Variants in ADAMTS9 observed in about 807,000 individuals in gnomAD.
The protein encoded by ADAMTS9 is A disintegrin and metalloproteinase with thrombospondin motifs 9.
A neutral mutation model predicts 257.1 loss-of-function variants in ADAMTS9; 107 were observed. The ratio of observed to expected loss-of-function variants is 0.42; its 90% CI spans 0.36 to 0.49. ADAMTS9 has a LOEUF of 0.49. Among genes scored for constraint, ADAMTS9 ranks in the 20% least tolerant of loss-of-function variants. The probability of loss-of-function intolerance (pLI) is 0.03; values close to 1 mark genes in which losing one functional copy is unlikely to be tolerated. For synonymous variants in ADAMTS9, 982 were observed against 880.9 expected (o/e 1.11, Z -2.03); for missense variants, 2,353 against 2,469.1 (o/e 0.95, Z 1.00).
chr3:64,559,413 A>G (rs558352427), intron 30 of ADAMTS9, among the ~76,000 whole-genome samples: 11 of 152,112 alleles, frequency 7.2e-5, no homozygotes, highest in African/African-American at 2.6e-4. Context: ...CACTTTCACC[A>G]CCCCAGTATT....
rs145651340 is a variant in ADAMTS9 at position 64,612,978 on chromosome 3, C to A, written c.3354+367G>T. On this transcript the variant is annotated intron_variant, in intron 22 of 39. Transcript: ENST00000498707. The stretch of plus-strand genomic sequence containing the variant: ...TTTTCCAAATCTCATTCCAGACCTT[C>A]CTGCCAGAGACTCTGGTGCTGGATC... 4.1e-3 allele frequency among the ~76,000 whole-genome samples: 621 copies of A among 152,276 alleles called. 6 individuals carry two copies. Among genetic ancestry groups the A allele is most frequent in the African/African-American group, 0.014 (564 of 41,564 alleles).
chr3:64,540,324 T>C (rs1239630093), intron 36 of ADAMTS9, among the ~76,000 whole-genome samples: 2 of 152,212 alleles, frequency 1.3e-5, no homozygotes, highest in Non-Finnish European at 2.9e-5. Context: ...GAAAAATTAA[T>C]TATTCATTAT....
intron 22 of ADAMTS9, among the ~76,000 whole-genome samples, chr3:64,608,358 G>A (rs1221561658): frequency 6.8e-6 from 1 of 147,722 alleles, no homozygotes; most frequent in Non-Finnish European, 1.5e-5. Flanking sequence ...AAAATCAACA[G>A]AACCAGAAAT....
At chr3:64,577,309 C>T (rs1180264408) in intron 28 of ADAMTS9, among the ~76,000 whole-genome samples, 1 of 152,144 alleles carries the variant, frequency 6.6e-6, no homozygotes, top group East Asian at 1.9e-4. Flanking sequence ...ATTCCTTATT[C>T]CCAAACACAT....
chr3:64,526,155 A>G (rs965817919), intron 38 of ADAMTS9, among the ~76,000 whole-genome samples: 2 of 135,900 alleles, frequency 1.5e-5, no homozygotes, highest in Admixed American at 1.4e-4. Context: ...GTATATTTCA[A>G]AATAGCTAGA....
intron 38 of ADAMTS9, among the ~76,000 whole-genome samples, chr3:64,524,964 C>T (rs1049402188): frequency 6.6e-6 from 1 of 152,166 alleles, no homozygotes; most frequent in Admixed American, 6.5e-5. Flanking sequence ...TCAATTTTGG[C>T]CTGGTAAATT....
At chr3:64,620,777 C>T (rs1700084574) in intron 19 of ADAMTS9, among the ~76,000 whole-genome samples, 1 of 152,106 alleles carries the variant, frequency 6.6e-6, no homozygotes, top group Admixed American at 6.5e-5. Context: ...AGGTTCTCCC[C>T]CTTTTCTTTT....
rs369077350 is a variant in ADAMTS9, at chr3:64,547,324, T to C, written c.4870-372A>G. 2.3e-4 allele frequency among the ~76,000 whole-genome samples: 31 copies of C among 137,730 alleles called. No homozygotes were observed. In the East Asian group the frequency reaches 6.0e-3, roughly 26 times the overall value. 90.4% of individuals were successfully genotyped at this position (137,730 alleles called of 152,430 possible). A position where few individuals can be genotyped will look rare whatever the true frequency, so the allele number is the denominator to read the frequency against. ...AAACTGCTCTTTTCTAAAGCTATGA[T>C]GACCACCAAATTGGGAAGGGAAGAG... On this transcript the variant is annotated intron_variant, in intron 31 of 39. Transcript: ENST00000498707.
intron 26 of ADAMTS9, among the ~76,000 whole-genome samples, chr3:64,600,636 T>C (rs1418914515): frequency 6.6e-6 from 1 of 152,220 alleles, no homozygotes; most frequent in Non-Finnish European, 1.5e-5. Context: ...ATTACTTCCT[T>C]GGATCACCTT....
In ADAMTS9 at chr3:64,658,521, A is replaced by C; in HGVS notation, c.950T>G (p.Ile317Ser). 4.3e-6 allele frequency: 7 copies of C among 1,612,274 alleles called. No homozygotes were observed. The highest frequency in any genetic ancestry group is 5.9e-6 in the Non-Finnish European group (7 of 1,179,446). The part of the protein sequence containing the change: ...SYHGENLQHY[I>S]LTLMSIVASI... Reference sequence around the variant, plus strand: ...ACTTACAATTGACATTAAAGTTAAAATATAGTGTTGAAGGTTTTCTCCATG... The same window carrying C: ...ACTTACAATTGACATTAAAGTTAAACTATAGTGTTGAAGGTTTTCTCCATG... The change falls in exon 4 of 40, where the codon ATT (isoleucine) becomes AGT (serine). Residue 317 changes from isoleucine to serine, a missense_variant. Physicochemically the swap from Ile to Ser is moderately radical, Grantham distance 142. Transcript: ENST00000498707.
At chr3:64,638,803 CTT>C in intron 12 of ADAMTS9, among the ~76,000 whole-genome samples, 1 of 152,032 alleles carries the variant, frequency 6.6e-6, no homozygotes, top group African/African-American at 2.4e-5. Flanking sequence ...GAAAAAAACT[CTT>C]AAGAATATAC....
chr3:64,647,838 G>T, intron 11 of ADAMTS9, 102 bp downstream of exon 11: 2 of 969,962 alleles, frequency 2.1e-6, no homozygotes, highest in South Asian at 1.9e-5. Context: ...AGCTAAAACA[G>T]ACTGCATTGT....
At chr3:64,606,430 C>T (rs993551899) in intron 23 of ADAMTS9, among the ~76,000 whole-genome samples, 9 of 152,166 alleles carry the variant, frequency 5.9e-5, no homozygotes, top group African/African-American at 2.2e-4. Context: ...ATAGTACATC[C>T]ACCATACAGA....
At chr3:64,622,924 AGT>A (rs374564393) in intron 16 of ADAMTS9, among the ~76,000 whole-genome samples, 4 of 152,262 alleles carry the variant, frequency 2.6e-5, no homozygotes, top group African/African-American at 9.6e-5. Context: ...TGGAAACAAA[AGT>A]GTTTATATGA....
At chr3:64,555,614 T>C (rs995505435) in intron 30 of ADAMTS9, among the ~76,000 whole-genome samples, 3 of 152,052 alleles carry the variant, frequency 2.0e-5, no homozygotes, top group African/African-American at 7.3e-5. Flanking sequence ...TAACAGAGCA[T>C]GTAATTGAGT....
At chr3:64,586,492 T>A (rs1272069393) in intron 28 of ADAMTS9, among the ~76,000 whole-genome samples, 1 of 152,110 alleles carries the variant, frequency 6.6e-6, no homozygotes, top group Admixed American at 6.6e-5. Context: ...GTGAGCATAG[T>A]AGATTAATCA....
chr3:64,573,151 G>C (rs937472325), intron 28 of ADAMTS9, among the ~76,000 whole-genome samples: 36 of 151,972 alleles, frequency 2.4e-4, no homozygotes, highest in African/African-American at 7.5e-4. Context: ...ACTAGAAGGG[G>C]ACTGAATGAG....
At chr3:64,645,250 A>G (rs901418326) in intron 11 of ADAMTS9, among the ~76,000 whole-genome samples, 2 of 152,206 alleles carry the variant, frequency 1.3e-5, no homozygotes, top group African/African-American at 4.8e-5. Flanking sequence ...GTATCTTTTT[A>G]AGAGGTTGGA....
intron 3 of ADAMTS9, among the ~76,000 whole-genome samples, chr3:64,673,123 T>C (rs999647907): frequency 6.6e-6 from 1 of 152,192 alleles, no homozygotes; most frequent in Admixed American, 6.5e-5. Flanking sequence ...CAGTGCACTC[T>C]GTGATGTTCA....
Sources: allele counts gnomAD v4.1 joint callset (sites outside exome capture counted in the v4.1 genomes callset), GRCh38; gene constraint gnomAD v4.1.1; transcripts MANE v1.5; gene names NCBI Gene and HGNC (gene_info 2026-07-23, HGNC 2026-07-21).